SGIP1: variants seen among roughly 807,000 people sequenced by gnomAD.
SGIP1 encodes the protein SH3-containing GRB2-like protein 3-interacting protein 1.
Under a neutral mutation model 107.5 loss-of-function variants are expected in SGIP1, and 38 were observed. That is an observed-to-expected ratio of 0.35 (90% CI 0.27 to 0.46). The LOEUF is 0.46. Ranked by LOEUF, SGIP1 falls within the 20% of genes least tolerant of loss-of-function variation. SGIP1 has a pLI of 1.00. For synonymous variants in SGIP1, 365 were observed against 366.1 expected, an observed-to-expected ratio of 1.00 and a Z score of 0.03; for missense variants, 929 against 1,019.5, an observed-to-expected ratio of 0.91 and a Z score of 1.21.
intron 19 of SGIP1, among the ~76,000 whole-genome samples, chr1:66,726,417 C>T (rs1227427464): frequency 6.6e-6 from 1 of 152,104 alleles, no homozygotes; most frequent in Non-Finnish European, 1.5e-5. Flanking sequence ...AAAGGGCCTA[C>T]CATAGCGAAA....
At chr1:66,626,733 T>A (rs916636363) in intron 2 of SGIP1, among the ~76,000 whole-genome samples, 3 of 152,138 alleles carry the variant, frequency 2.0e-5, no homozygotes, top group Non-Finnish European at 4.4e-5. Context: ...AGAGCACAAC[T>A]ATTCAGCTGC....
intron 1 of SGIP1, among the ~76,000 whole-genome samples, chr1:66,611,367 G>A (rs2067966976): frequency 6.6e-6 from 1 of 152,162 alleles, no homozygotes; most frequent in South Asian, 2.1e-4. Context: ...TGCAGAGAAG[G>A]GATAACGGGG....
At chr1:66,680,926 A>G (rs2086565150) in intron 14 of SGIP1, among the ~76,000 whole-genome samples, 1 of 152,224 alleles carries the variant, frequency 6.6e-6, no homozygotes, top group Non-Finnish European at 1.5e-5. Flanking sequence ...GCAGTTCTTC[A>G]TACAGAGCTG....
intron 18 of SGIP1, among the ~76,000 whole-genome samples, chr1:66,710,345 A>T (rs531105153): frequency 6.6e-6 from 1 of 152,284 alleles, no homozygotes; most frequent in South Asian, 2.1e-4. Flanking sequence ...ACTGTATGTT[A>T]CATGACACGA....
intron 1 of SGIP1, among the ~76,000 whole-genome samples, chr1:66,616,597 A>G (rs1371463425): frequency 6.6e-6 from 1 of 152,228 alleles, no homozygotes; most frequent in African/African-American, 2.4e-5. Flanking sequence ...CTCAAAGCTC[A>G]TACTTTACAA....
intron 1 of SGIP1, among the ~76,000 whole-genome samples, chr1:66,589,587 T>G (rs2063292288): frequency 6.6e-6 from 1 of 152,096 alleles, no homozygotes. Flanking sequence ...AAACAATGCC[T>G]GTGGTAAAAA....
intron 1 of SGIP1, among the ~76,000 whole-genome samples, chr1:66,601,039 G>A (rs994813187): frequency 6.6e-6 from 1 of 152,092 alleles, no homozygotes; most frequent in African/African-American, 2.4e-5. Flanking sequence ...GTAGTGCTTC[G>A]CTTTCCAGTA....
At chr1:66,624,009 G>C (rs1182460606) in intron 1 of SGIP1, among the ~76,000 whole-genome samples, 2 of 152,190 alleles carry the variant, frequency 1.3e-5, no homozygotes, top group Admixed American at 6.5e-5. Flanking sequence ...AATACAAAGA[G>C]TACTGGAATG....
At chr1:66,609,945 A>G (rs993171071) in intron 1 of SGIP1, among the ~76,000 whole-genome samples, 3 of 152,138 alleles carry the variant, frequency 2.0e-5, no homozygotes, top group African/African-American at 4.8e-5. Context: ...CATCATTATT[A>G]AAGTCACCCT....
Position 66,610,855 on chromosome 1 carries a change from C to G in SGIP1, c.11-14992C>G, listed in dbSNP as rs140132756. Among the ~76,000 whole-genome samples, 282 of 151,936 alleles carry G rather than the reference C, an allele frequency of 1.9e-3. 1 individual carries two copies. The highest frequency in any genetic ancestry group is 6.7e-3 in the African/African-American group (279 of 41,448). On this transcript the variant is annotated intron_variant, in intron 1 of 24. Coordinates refer to ENST00000371037, the MANE Select transcript of SGIP1 (RefSeq NM_032291.4). ...GCAGTTACCTGGATGGAATTGGAGACCATTATTCTAAGTAAAGTAACTCAG... is the reference window on the plus strand; with the variant it reads ...GCAGTTACCTGGATGGAATTGGAGAGCATTATTCTAAGTAAAGTAACTCAG...
rs115733626 is a variant in SGIP1, at chr1:66,585,979, G to A, written c.11-39868G>A. 3.4e-3 allele frequency among the ~76,000 whole-genome samples: 522 copies of A among 152,230 alleles called. 2 individuals are homozygous for A. Among genetic ancestry groups the A allele is most frequent in the Non-Finnish European group, 6.2e-3 (422 of 68,016 alleles). ...CTTAAAGTCTCCAACTACAATTGTG[G>A]ATTTGTCTTTTTCTTCTTTCCGTTC... On this transcript the variant is annotated intron_variant, in intron 1 of 24. Transcript: ENST00000371037.
intron 14 of SGIP1, 47 bp downstream of exon 14, chr1:66,679,799 A>G (rs2086251832): frequency 1.3e-6 from 2 of 1,503,818 alleles, no homozygotes; most frequent in South Asian, 1.3e-5. Flanking sequence ...CAAACAGAGC[A>G]GTGGCCCCGG....
chr1:66,715,121 AG>A (rs1268686808), intron 18 of SGIP1, among the ~76,000 whole-genome samples: 2 of 152,172 alleles, frequency 1.3e-5, no homozygotes, highest in Non-Finnish European at 2.9e-5. Context: ...AAATTAAAAA[AG>A]GAACACAATA....
At chr1:66,727,647 G>A (rs1325905298) in intron 19 of SGIP1, among the ~76,000 whole-genome samples, 4 of 152,170 alleles carry the variant, frequency 2.6e-5, no homozygotes, top group Non-Finnish European at 4.4e-5. Context: ...TTCAGTAGGT[G>A]AATGTATTTT....
chr1:66,673,255 A>AT (rs748627541), intron 11 of SGIP1, 26 bp from the exon 12 acceptor site: 1 of 1,609,878 alleles, frequency 6.2e-7, no homozygotes. Flanking sequence ...CTTTCCCTGT[A>AT]TTTTGCCTTA....
chr1:66,636,304 C>T (rs1285007631), intron 4 of SGIP1, among the ~76,000 whole-genome samples: 1 of 152,166 alleles, frequency 6.6e-6, no homozygotes. Flanking sequence ...AAAGAATCTA[C>T]TATCTATAAA....
chr1:66,680,808 T>C (rs566314125), intron 14 of SGIP1, among the ~76,000 whole-genome samples: 5 of 152,362 alleles, frequency 3.3e-5, no homozygotes, highest in African/African-American at 1.2e-4. Context: ...AATACTAAGA[T>C]GGCTCATATA....
intron 1 of SGIP1, among the ~76,000 whole-genome samples, chr1:66,578,291 C>T (rs1170069990): frequency 6.6e-6 from 1 of 152,082 alleles, no homozygotes; most frequent in African/African-American, 2.4e-5. Flanking sequence ...CTTTAAAAAG[C>T]TTCCAAAGTG....
intron 7 of SGIP1, chr1:66,659,979 A>G (rs1307217448): frequency 1.1e-5 from 1 of 87,930 alleles, no homozygotes; most frequent in African/African-American, 7.8e-5. Flanking sequence ...AGAAAGAAAG[A>G]AAGAAAGAAA....
Sources: gnomAD v4.1 joint callset for allele counts (sites outside exome capture counted in the v4.1 genomes callset) on GRCh38, gnomAD v4.1.1 for gene constraint, MANE v1.5 for transcripts, NCBI Gene and HGNC (gene_info 2026-07-23, HGNC 2026-07-21) for gene names.